SSRP1: variants seen among roughly 807,000 people sequenced by gnomAD.
SSRP1 encodes FACT complex subunit SSRP1.
SSRP1 carries 21 observed loss-of-function variants against 84.4 expected under a neutral mutation model. The ratio of observed to expected loss-of-function variants is 0.25; its 90% confidence interval spans 0.18 to 0.36. SSRP1 has a LOEUF of 0.36. Among genes scored for constraint, SSRP1 ranks in the 10% least tolerant of loss-of-function variants. The pLI is 1.00. For synonymous variants in SSRP1, 319 were observed against 318.3 expected (o/e 1.00, Z -0.02); for missense variants, 519 against 900.8 (o/e 0.58, Z 5.43).
chr11:57,335,059 C>T lies in SSRP1; in HGVS notation c.54+9G>A, dbSNP rs373213512. The T allele has an allele frequency of 2.5e-6, 4 of 1,614,040 alleles. No individual in the cohort carries two copies. The highest frequency in any genetic ancestry group is 3.4e-6 in the Non-Finnish European group (4 of 1,179,928). On this transcript the variant is annotated intron_variant, in intron 2 of 16. Transcript: ENST00000278412. The surrounding 1 kb of genome is among the most constrained non-coding windows in gnomAD (Gnocchi z 4.6). The stretch of plus-strand genomic sequence containing the variant: ...CTCTACTTGTATCACCTGTCCAAGC[C>T]ATTCTCACCATGGAACCTTTCACCT...
chr11:57,333,214 A>C, intron 4 of SSRP1, 65 bp from the exon 5 acceptor site: 1 of 1,523,458 alleles, frequency 6.6e-7, no homozygotes, highest in East Asian at 2.3e-5. Flanking sequence ...CAATATTCCC[A>C]CCAAACTGAG....
Position 57,330,870 on chromosome 11 carries a change from G to GT in SSRP1, c.1280dup (p.Asn427LysfsTer14). 2 of 1,614,234 alleles carry GT rather than the reference G, an allele frequency of 1.2e-6. No homozygotes were observed. Among genetic ancestry groups the GT allele is most frequent in the Non-Finnish European group, 1.7e-6 (2 of 1,180,046 alleles). On this transcript the variant is annotated frameshift_variant, in exon 10 of 17. Transcript: ENST00000278412. LOFTEE classifies it high-confidence loss of function. The surrounding 1 kb of genome is among the most constrained non-coding windows in gnomAD (Gnocchi z 4.0). ...ACAGAAGTACCTCTTTCAATCCTCG[G>GT]TTTTTGATGTTGAGCTTTTTCGCGT...
rs754244128 is a variant in SSRP1, at chr11:57,335,162, T to G, written c.-41A>C. ...TGGTGGCCTGGGCAGAGCCCCAGGC[T>G]GCACAAGGGAAACCAAGTAAACTGG... On this transcript the variant is annotated 5_prime_UTR_variant, in exon 2 of 17. Coordinates refer to ENST00000278412, the MANE Select transcript of SSRP1 (RefSeq NM_003146.3). This position sits in a 1 kb window ranked among gnomAD's most constrained non-coding sequence, Gnocchi z 4.6. 4 of 1,611,340 alleles carry G rather than the reference T, an allele frequency of 2.5e-6. No homozygotes were observed. Among genetic ancestry groups the G allele is most frequent in the Non-Finnish European group, 3.4e-6 (4 of 1,177,696 alleles).
In SSRP1 at chr11:57,334,574, G is replaced by A. The variant is rs1027476583; in HGVS notation, c.129C>T (p.Ile43=). Residue 43 remains isoleucine, a synonymous_variant, in exon 3 of 17, where the codon ATC becomes ATT. Transcript: ENST00000278412. ...KNSKTGKVDN[I]QAGELTEGIW... ...TACCTTCTGTTAACTCCCCAGCCTG[G>A]ATGTTGTCCACTTTGCCTGTCTTGC... 9 of 1,614,222 alleles carry A rather than the reference G, an allele frequency of 5.6e-6. No individual in the cohort carries two copies. Among genetic ancestry groups the A allele is most frequent in the Non-Finnish European group, 7.6e-6 (9 of 1,180,042 alleles).
rs1856007994 is a variant in SSRP1 at position 57,327,423 on chromosome 11, C to T, written c.1871+3G>A. The stretch of plus-strand genomic sequence containing the variant: ...GTGACTGGGCCATGTTCTCGACACT[C>T]ACCTCTTAGAAGACTCGCCTCGGCC... On this transcript the variant is annotated splice_donor_region_variant and intron_variant, in intron 15 of 16. Transcript: ENST00000278412. The T allele has an allele frequency of 6.2e-7, 1 of 1,614,026 alleles. No individual in the cohort carries two copies. Among genetic ancestry groups the T allele is most frequent in the Non-Finnish European group, 8.5e-7 (1 of 1,179,928 alleles).
In SSRP1 at chr11:57,330,068, C is replaced by A; in HGVS notation, c.1481+25G>T. ...TAAGCTTATGGGTCACCATCTTATC[C>A]CCACAAGGTACCACCAAAACTCACT... On this transcript the variant is annotated intron_variant, in intron 12 of 16. Coordinates refer to ENST00000278412, the MANE Select transcript of SSRP1 (RefSeq NM_003146.3). The surrounding 1 kb of genome is among the most constrained non-coding windows in gnomAD (Gnocchi z 4.0). 1 of 1,614,080 alleles carries A rather than the reference C, an allele frequency of 6.2e-7. No individual in the cohort carries two copies. The highest frequency in any genetic ancestry group is 1.3e-5 in the African/African-American group (1 of 75,042).
rs543416385 is a variant in SSRP1 at position 57,331,627 on chromosome 11, G to C, written c.1223+41C>G. The C allele has an allele frequency of 2.6e-6, 4 of 1,549,532 alleles. No individual in the cohort carries two copies. The South Asian group carries it at 3.3e-5, about 13-fold the overall frequency. The stretch of plus-strand genomic sequence containing the variant: ...CAGCCTTCCTAGACAAAGCTGGCTC[G>C]GGACCAGGATGCCCAGGAAGTGACA... On this transcript the variant is annotated intron_variant, in intron 9 of 16. Transcript: ENST00000278412.
chr11:57,326,138 T>TA lies in SSRP1; in HGVS notation c.*268dup. 1.9e-6 allele frequency: 1 copy of TA among 531,176 alleles called. No individual in the cohort carries two copies. Among genetic ancestry groups the TA allele is most frequent in the Non-Finnish European group, 3.4e-6 (1 of 296,954 alleles). 32.9% of individuals were successfully genotyped at this position (531,176 alleles called of 1,614,324 possible). On this transcript the variant is annotated 3_prime_UTR_variant, in exon 17 of 17. Coordinates refer to ENST00000278412, the MANE Select transcript of SSRP1 (RefSeq NM_003146.3). ...ACAGGACAAGCAGCAGCTACATCCT[T>TA]AAGGTCGGGAAAGTAAGATGAGGAT...
intron 12 of SSRP1, 53 bp from the exon 13 acceptor site, chr11:57,328,479 G>A (rs977487509): frequency 2.1e-5 from 33 of 1,608,290 alleles, no homozygotes; most frequent in Non-Finnish European, 2.5e-5. Flanking sequence ...AGGACCCCAC[G>A]GCCTCAGGAC....
In SSRP1 at chr11:57,327,043, G is replaced by C; in HGVS notation, c.1872-154C>G. ...GCTGCGTCAGCCTGGAGGGCACCAA[G>C]GGAGAGTATCATGAGTACACCAGAA... On this transcript the variant is annotated intron_variant, in intron 15 of 16. Transcript: ENST00000278412. 3 of 1,370,782 alleles carry C rather than the reference G, an allele frequency of 2.2e-6. 1 individual carries two copies. The East Asian group carries it at 7.5e-5, about 34-fold the overall frequency. 84.9% of individuals were successfully genotyped at this position (1,370,782 alleles called of 1,614,324 possible).
Position 57,332,569 on chromosome 11 carries a change from CTACT to C in SSRP1, c.768+52_768+55del, listed in dbSNP as rs1856115910. On this transcript the variant is annotated intron_variant, in intron 6 of 16. Transcript: ENST00000278412. This position sits in a 1 kb window ranked among gnomAD's most constrained non-coding sequence, Gnocchi z 5.5. ...AATTCTGCACACCAGTGAGATCCAT[CTACT>C]TAACACTTAGGCAAAAACCAGGATT... The C allele has an allele frequency of 6.2e-7, 1 of 1,602,534 alleles. No homozygotes were observed. The highest frequency in any genetic ancestry group is 1.3e-5 in the African/African-American group (1 of 74,630).
chr11:57,333,178 A>G (rs531689655), intron 4 of SSRP1, 29 bp from the exon 5 acceptor site: 15 of 1,586,092 alleles, frequency 9.5e-6, no homozygotes, highest in East Asian at 9.0e-5. Flanking sequence ...TCCAGCCACA[A>G]GCTCCTCCCC....
In SSRP1 at chr11:57,334,616, G is replaced by A; in HGVS notation, c.87C>T (p.Gly29=). The A allele has an allele frequency of 6.2e-7, 1 of 1,614,152 alleles. No homozygotes were observed. Among genetic ancestry groups the A allele is most frequent in the Non-Finnish European group, 8.5e-7 (1 of 1,180,046 alleles). ...NDGRLRLSRQ[G]IIFKNSKTGK... ...CTGTCTTGCTATTCTTGAAGATGAT[G>A]CCCTGACGGCTCAACCTCAGTCGAC... The change falls in exon 3 of 17, where the codon GGC becomes GGT. Residue 29 remains glycine, a synonymous_variant. Transcript: ENST00000278412.
intron 3 of SSRP1, 44 bp downstream of exon 3, chr11:57,334,419 G>A: frequency 6.3e-7 from 1 of 1,596,602 alleles, no homozygotes; most frequent in Non-Finnish European, 8.6e-7. Context: ...ATTAAAATAA[G>A]AAGATGCAGT....
chr11:57,330,421 G>C lies in SSRP1; in HGVS notation c.1305C>G (p.Asn435Lys). 6.2e-7 allele frequency: 1 copy of C among 1,613,880 alleles called. No individual in the cohort carries two copies. The highest frequency in any genetic ancestry group is 8.5e-7 in the Non-Finnish European group (1 of 1,180,016). ...IKNRGLKEGM[N>K]PSYDEYADSD... is the part of the protein sequence containing the mutation. The stretch of plus-strand genomic sequence containing the variant: ...AGTCAGCATATTCATCGTAGCTTGG[G>C]TTCATGCCCTAGCCAGGGAAGAGTT... The change falls in exon 11 of 17, where the codon AAC becomes AAG. Residue 435 changes from asparagine (N) to lysine (K), a missense_variant. Asn to Lys is a moderately conservative substitution (Grantham distance 94, BLOSUM62 0). Coordinates refer to ENST00000278412, the MANE Select transcript of SSRP1 (RefSeq NM_003146.3). This position sits in a 1 kb window ranked among gnomAD's most constrained non-coding sequence, Gnocchi z 4.0.
At position 57,333,099 on chromosome 11, in the gene SSRP1, G is replaced by A. The variant is rs778921185; in HGVS notation, c.397C>T (p.Leu133Phe). The change falls in exon 5 of 17, where the codon CTC becomes TTC. Residue 133 changes from leucine to phenylalanine, a missense_variant. Physicochemically the swap from Leu to Phe is conservative, Grantham distance 22 (BLOSUM62 0). This residue lies in a region of SSRP1 where 159 missense variants were observed against 359.0 expected (regional missense o/e 0.44). Transcript: ENST00000278412. ...GTGGTGCACTGGGACACATTGCTGA[G>A]GGGTATCTCAAAGACTGGCTGGTCA... ...IGDQPVFEIP[L>F]SNVSQCTTGK... 6.2e-7 allele frequency: 1 copy of A among 1,614,048 alleles called. No individual in the cohort carries two copies. The highest frequency in any genetic ancestry group is 8.5e-7 in the Non-Finnish European group (1 of 1,179,966).
intron 3 of SSRP1, 78 bp downstream of exon 3, chr11:57,334,385 G>C (rs1856162027): frequency 3.3e-6 from 5 of 1,535,034 alleles, no homozygotes; most frequent in Middle Eastern, 1.7e-4. Context: ...GTTACATGAG[G>C]AAGGAACCTC....
rs11229000 is a variant in SSRP1, at chr11:57,332,127, C to A, written c.1001+25G>T. 1.9e-6 allele frequency: 3 copies of A among 1,612,814 alleles called. No homozygotes were observed. Among genetic ancestry groups the A allele is most frequent in the Non-Finnish European group, 2.5e-6 (3 of 1,179,880 alleles). On this transcript the variant is annotated intron_variant, in intron 8 of 16. Coordinates refer to ENST00000278412, the MANE Select transcript of SSRP1 (RefSeq NM_003146.3). This position sits in a 1 kb window ranked among gnomAD's most constrained non-coding sequence, Gnocchi z 5.5. Reference sequence around the variant, plus strand: ...CGGCATTTCCCATACCCAGGCAGGGCAGGATCCCAGGCCCACACTCTCACC... The same window carrying A: ...CGGCATTTCCCATACCCAGGCAGGGAAGGATCCCAGGCCCACACTCTCACC...
In SSRP1 at chr11:57,334,597, T is replaced by G; in HGVS notation, c.106A>C (p.Lys36Gln). ...SRQGIIFKNS[K>Q]TGKVDNIQAG... is the part of the protein sequence containing the mutation. ...TGGATGTTGTCCACTTTGCCTGTCT[T>G]GCTATTCTTGAAGATGATGCCCTGA... The change falls in exon 3 of 17, where the codon AAG becomes CAG. Residue 36 changes from lysine (K) to glutamine (Q), a missense_variant. By Grantham distance (53) the Lys-to-Gln change is moderately conservative. Coordinates refer to ENST00000278412, the MANE Select transcript of SSRP1 (RefSeq NM_003146.3). 1 of 1,614,202 alleles carries G rather than the reference T, an allele frequency of 6.2e-7. No individual in the cohort carries two copies.
Sources: allele counts gnomAD v4.1 joint callset, GRCh38; gene constraint gnomAD v4.1.1; regional missense constraint gnomAD v4.1.1; non-coding constraint Gnocchi (gnomAD v3.1); transcripts MANE v1.5; gene names NCBI Gene and HGNC (gene_info 2026-07-23, HGNC 2026-07-21).